The following RIN3 variants were observed in gnomAD, a reference collection of about 807,000 sequenced individuals.
The protein encoded by RIN3 is Ras and Rab interactor 3.
RIN3 carries 54 observed loss-of-function variants against 76.3 expected under a neutral mutation model. The observed-to-expected ratio is 0.71, with a 90% CI of 0.57 to 0.89. The LOEUF is 0.89. RIN3 is among the 40% of genes least tolerant of loss of function. RIN3 has a pLI of 0.00. For synonymous variants in RIN3, 576 were observed against 564.0 expected (o/e 1.02, Z -0.30); for missense variants, 1,256 against 1,322.1 (o/e 0.95, Z 0.78).
intron 2 of RIN3, among the ~76,000 whole-genome samples, chr14:92,571,489 G>A (rs1173857511): frequency 6.6e-6 from 1 of 152,130 alleles, no homozygotes; most frequent in Non-Finnish European, 1.5e-5. Context: ...ATAGCTTTAA[G>A]TCCCAATTAT....
At chr14:92,637,478 G>A (rs570952825) in intron 4 of RIN3, among the ~76,000 whole-genome samples, 4 of 152,258 alleles carry the variant, frequency 2.6e-5, no homozygotes, top group African/African-American at 4.8e-5. Context: ...TGTGCAGCTC[G>A]GTTCCTGACA....
At chr14:92,556,097 C>A (rs1450712182) in intron 2 of RIN3, 142 bp downstream of exon 2, 1 of 728,006 alleles carries the variant, frequency 1.4e-6, no homozygotes, top group Admixed American at 2.6e-5. Context: ...CATTTGTCAG[C>A]TTTTGACCAC....
chr14:92,615,467 A>G lies in RIN3; in HGVS notation c.428A>G (p.Tyr143Cys), dbSNP rs1595457830. 1 of 1,613,944 alleles carries G rather than the reference A, an allele frequency of 6.2e-7. No individual in the cohort carries two copies. Among genetic ancestry groups the G allele is most frequent in the East Asian group, 2.2e-5 (1 of 44,866 alleles). The part of the protein sequence containing the change: ...FEDIFRLIAF[Y>C]CVSRDLLPFT... ...GACATCTTCAGATTGATTGCGTTCT[A>G]CTGTGTCAGTAGGTGAGTAGACCCG... The change falls in exon 4 of 10, where the codon TAC becomes TGC. Residue 143 changes from tyrosine (Y) to cysteine (C), a missense_variant. Coordinates refer to ENST00000216487, the MANE Select transcript of RIN3 (RefSeq NM_024832.5).
intron 1 of RIN3, among the ~76,000 whole-genome samples, chr14:92,548,089 T>G (rs1897330052): frequency 6.6e-6 from 1 of 152,226 alleles, no homozygotes; most frequent in Admixed American, 6.5e-5. Flanking sequence ...CTGAAATAAC[T>G]CTAATGACAT....
At position 92,688,388 on chromosome 14, in the gene RIN3, A is replaced by T. The variant is rs1888962792; in HGVS notation, c.*136A>T. The T allele has an allele frequency of 1.2e-6, 1 of 822,130 alleles. No homozygotes were observed. The highest frequency in any genetic ancestry group is 1.8e-6 in the Non-Finnish European group (1 of 544,042). 50.9% of individuals were successfully genotyped at this position (822,130 alleles called of 1,614,324 possible). The stretch of plus-strand genomic sequence containing the variant: ...GACGTGCCCAGGCCAACGTCGCAGG[A>T]CAGTTGTGAAAATAACATGACGCTC... On this transcript the variant is annotated 3_prime_UTR_variant, in exon 10 of 10. Transcript: ENST00000216487.
In RIN3 at chr14:92,549,018, A is replaced by T. The variant is rs562641743; in HGVS notation, c.45-6733A>T. 1.3e-4 allele frequency among the ~76,000 whole-genome samples: 19 copies of T among 150,802 alleles called. 1 individual carries two copies. In the South Asian group the frequency reaches 3.4e-3, roughly 27 times the overall value. ...GCATCACCAGGGCTCCCTCCCTCCC[A>T]CGCCGGCCCCTGCACTCCCTCTGTG... On this transcript the variant is annotated intron_variant, in intron 1 of 9. Coordinates refer to ENST00000216487, the MANE Select transcript of RIN3 (RefSeq NM_024832.5).
intron 3 of RIN3, among the ~76,000 whole-genome samples, chr14:92,607,615 A>T (rs1885574359): frequency 6.6e-6 from 1 of 152,238 alleles, no homozygotes; most frequent in African/African-American, 2.4e-5. Context: ...TCCCCAAAAA[A>T]GGATGGGAAA....
At chr14:92,540,436 C>T (rs1481910958) in intron 1 of RIN3, among the ~76,000 whole-genome samples, 1 of 152,248 alleles carries the variant, frequency 6.6e-6, no homozygotes, top group Non-Finnish European at 1.5e-5. Flanking sequence ...GAGCCACAAG[C>T]ATCTGTGAGA....
chr14:92,573,500 G>GA (rs902276044), intron 2 of RIN3, among the ~76,000 whole-genome samples: 2 of 196 alleles, frequency 0.01, no homozygotes, highest in Non-Finnish European at 0.019. Context: ...ACGGGGGGCC[G>GA]AAGTTCCAAC....
chr14:92,679,606 G>A (rs1028233712), intron 8 of RIN3, among the ~76,000 whole-genome samples: 1 of 152,186 alleles, frequency 6.6e-6, no homozygotes, highest in African/African-American at 2.4e-5. Context: ...GTGAGGTGGT[G>A]TTTCTGAGTT....
chr14:92,527,998 C>G (rs1003661475), intron 1 of RIN3, among the ~76,000 whole-genome samples: 1 of 144,976 alleles, frequency 6.9e-6, no homozygotes, highest in African/African-American at 2.6e-5. Context: ...CGCGGGCAGG[C>G]TTGCATTTGG....
chr14:92,652,104 GC>G lies in RIN3; in HGVS notation c.1060del (p.Leu354SerfsTer6). On this transcript the variant is annotated frameshift_variant, in exon 6 of 10. Transcript: ENST00000216487. LOFTEE classifies it high-confidence loss of function. The surrounding 1 kb of genome is among the most constrained non-coding windows in gnomAD (Gnocchi z 6.4). Reference sequence around the variant, plus strand: ...CTCCCATGCCCCACTGCAGGCCTGGGCCCCCTCAGGGAGGAAGCGATGAAGC... The same window carrying G: ...CTCCCATGCCCCACTGCAGGCCTGGGCCCCTCAGGGAGGAAGCGATGAAGC... ...ERLPCPTAGL[G>X]PLREEAMKPG... 6.2e-7 allele frequency: 1 copy of G among 1,606,410 alleles called. No individual in the cohort carries two copies.
At chr14:92,558,887 CT>C (rs61202055) in intron 2 of RIN3, among the ~76,000 whole-genome samples, 55 of 130,728 alleles carry the variant, frequency 4.2e-4, no homozygotes, top group East Asian at 6.6e-4. Context: ...CTTTTCTTTT[CT>C]TTTTTTTTTT....
chr14:92,670,955 C>T (rs1253977960), intron 7 of RIN3, among the ~76,000 whole-genome samples: 1 of 152,210 alleles, frequency 6.6e-6, no homozygotes, highest in Non-Finnish European at 1.5e-5. Context: ...TTTCCCAGCA[C>T]ATCACTTTCT....
chr14:92,594,432 C>CAA (rs35874661), intron 3 of RIN3, among the ~76,000 whole-genome samples: 3 of 130,554 alleles, frequency 2.3e-5, no homozygotes, highest in South Asian at 5.0e-4. Flanking sequence ...AACTCTGTCT[C>CAA]AAAAAAAAAA....
chr14:92,553,988 A>C (rs1191147663), intron 1 of RIN3, among the ~76,000 whole-genome samples: 1 of 152,070 alleles, frequency 6.6e-6, no homozygotes, highest in African/African-American at 2.4e-5. Context: ...GGCTCCTTAC[A>C]GCACATGCCC....
intron 1 of RIN3, among the ~76,000 whole-genome samples, chr14:92,521,567 T>C (rs1896598363): frequency 6.6e-6 from 1 of 152,076 alleles, no homozygotes; most frequent in African/African-American, 2.4e-5. Flanking sequence ...CCCTGCTCTC[T>C]CCCTCTTGCT....
chr14:92,583,894 C>G (rs1463460831), intron 3 of RIN3, among the ~76,000 whole-genome samples: 1 of 152,202 alleles, frequency 6.6e-6, no homozygotes, highest in African/African-American at 2.4e-5. Flanking sequence ...GGGATCCCTT[C>G]CATGCACAGT....
At chr14:92,659,496 G>C (rs766685992) in intron 7 of RIN3, 27 bp downstream of exon 7, 2 of 1,562,986 alleles carry the variant, frequency 1.3e-6, no homozygotes, top group South Asian at 1.2e-5. Context: ...GAGGGGTCTG[G>C]GTGAGGAGCT....
Sources: gnomAD v4.1 joint callset for allele counts (sites outside exome capture counted in the v4.1 genomes callset) on GRCh38, gnomAD v4.1.1 for gene constraint, Gnocchi (gnomAD v3.1) non-coding constraint, MANE v1.5 for transcripts, NCBI Gene and HGNC (gene_info 2026-07-23, HGNC 2026-07-21) for gene names.